The following BORCS5 variants were observed in gnomAD, a reference collection of about 807,000 sequenced individuals.
BORCS5 encodes the protein BLOC-1-related complex subunit 5.
BORCS5 carries 17 observed loss-of-function variants against 22.1 expected under a neutral mutation model. That is an observed-to-expected ratio of 0.77 (90% CI 0.53 to 1.15). The LOEUF is 1.15. BORCS5 is among the 50% of genes most tolerant of loss of function. The pLI, the probability that BORCS5 is intolerant of heterozygous loss-of-function variation, is 0.00. For synonymous variants in BORCS5, 117 were observed against 99.8 expected (o/e 1.17, Z -1.03); for missense variants, 247 against 253.2 (o/e 0.98, Z 0.17).
At chr12:12,406,633 A>AAAAC (rs547270027) in intron 2 of BORCS5, among the ~76,000 whole-genome samples, 1 of 105,412 alleles carries the variant, frequency 9.5e-6, no homozygotes, top group Non-Finnish European at 1.9e-5. Context: ...AAAAAACCAA[A>AAAAC]AAACAAACAA....
intron 3 of BORCS5, among the ~76,000 whole-genome samples, chr12:12,462,326 CATTT>C (rs1247083226): frequency 6.6e-6 from 1 of 152,204 alleles, no homozygotes; most frequent in African/African-American, 2.4e-5. Context: ...TATTTTCATT[CATTT>C]ATTCAACAAA....
At chr12:12,447,935 T>C (rs1265690764) in intron 3 of BORCS5, among the ~76,000 whole-genome samples, 1 of 152,220 alleles carries the variant, frequency 6.6e-6, no homozygotes, top group African/African-American at 2.4e-5. Flanking sequence ...CTGTGGAGGC[T>C]TCTCCAGCCC....
chr12:12,412,540 A>G (rs1226273042), intron 2 of BORCS5, among the ~76,000 whole-genome samples: 1 of 152,158 alleles, frequency 6.6e-6, no homozygotes, highest in Non-Finnish European at 1.5e-5. Flanking sequence ...CAGGTTTTCT[A>G]TATATGAGAT....
At chr12:12,443,400 T>A (rs1436333264) in intron 3 of BORCS5, among the ~76,000 whole-genome samples, 1 of 152,202 alleles carries the variant, frequency 6.6e-6, no homozygotes, top group Non-Finnish European at 1.5e-5. Context: ...TACAGTGTAA[T>A]TATAGTTTCC....
intron 2 of BORCS5, among the ~76,000 whole-genome samples, chr12:12,419,070 G>A (rs992884853): frequency 2.0e-5 from 3 of 151,906 alleles, no homozygotes; most frequent in Non-Finnish European, 4.4e-5. Context: ...TATACTTTAA[G>A]TTCTAGGGTA....
Position 12,361,444 on chromosome 12 carries a change from A to T in BORCS5, c.202+95A>T, listed in dbSNP as rs560058000. The T allele has an allele frequency of 2.5e-4, 355 of 1,399,522 alleles. 4 individuals are homozygous for T. Among genetic ancestry groups the T allele is most frequent in the South Asian group, 2.5e-3 (201 of 80,006 alleles). 86.7% of individuals were successfully genotyped at this position (1,399,522 alleles called of 1,614,324 possible). On this transcript the variant is annotated intron_variant, in intron 2 of 3. Coordinates refer to ENST00000314565, the MANE Select transcript of BORCS5 (RefSeq NM_058169.6). ...ACTTATCCATGTATCTTGCTCTCTCATCTCCTTTAGGTCTTTGCTTAAATG... is the reference window on the plus strand; with the variant it reads ...ACTTATCCATGTATCTTGCTCTCTCTTCTCCTTTAGGTCTTTGCTTAAATG...
intron 3 of BORCS5, among the ~76,000 whole-genome samples, chr12:12,461,280 C>T (rs536095164): frequency 6.6e-6 from 1 of 151,534 alleles, no homozygotes; most frequent in Admixed American, 6.6e-5. Context: ...GCAATTTTCT[C>T]ACCTCAGCCT....
At chr12:12,419,974 A>G (rs1178685801) in intron 2 of BORCS5, among the ~76,000 whole-genome samples, 1 of 151,708 alleles carries the variant, frequency 6.6e-6, no homozygotes, top group Non-Finnish European at 1.5e-5. Flanking sequence ...GATTGCAAAA[A>G]TTTTCTCCCA....
chr12:12,365,476 G>A (rs565417001), intron 2 of BORCS5, among the ~76,000 whole-genome samples: 7 of 151,566 alleles, frequency 4.6e-5, no homozygotes, highest in South Asian at 2.1e-4. Flanking sequence ...CACCATGCCC[G>A]GCCCGAGTTT....
chr12:12,411,017 GCT>G (rs1363404400), intron 2 of BORCS5, among the ~76,000 whole-genome samples: 3 of 151,952 alleles, frequency 2.0e-5, no homozygotes, highest in Non-Finnish European at 4.4e-5. Context: ...TCATGATTTA[GCT>G]CTGTTTGTCT....
chr12:12,419,100 T>A lies in BORCS5; in HGVS notation c.203-16528T>A, dbSNP rs143255426. 2.0e-5 allele frequency among the ~76,000 whole-genome samples: 3 copies of A among 152,284 alleles called. No individual in the cohort carries two copies. The East Asian group carries it at 5.8e-4, about 29-fold the overall frequency. On this transcript the variant is annotated intron_variant, in intron 2 of 3. Coordinates refer to ENST00000314565, the MANE Select transcript of BORCS5 (RefSeq NM_058169.6). ...AGGGTACATGTGCACAAAGTGTAGG[T>A]TTGATAAATAGGTATATATGTGCCA...
chr12:12,462,221 C>T (rs1943119345), intron 3 of BORCS5, among the ~76,000 whole-genome samples: 1 of 152,240 alleles, frequency 6.6e-6, no homozygotes, highest in South Asian at 2.1e-4. Context: ...TAATGTTCTC[C>T]TTGCAGAATC....
chr12:12,421,480 A>G (rs1942121034), intron 2 of BORCS5, among the ~76,000 whole-genome samples: 1 of 152,144 alleles, frequency 6.6e-6, no homozygotes, highest in African/African-American at 2.4e-5. Context: ...TTTCGCATCG[A>G]TGTTCATCAG....
chr12:12,361,314 T>A lies in BORCS5; in HGVS notation c.167T>A (p.Leu56Ter). Residue 56 changes from leucine to a stop codon, truncating the protein, a stop_gained, in exon 2 of 4, where the codon TTG becomes TAG. Transcript: ENST00000314565. LOFTEE classifies it high-confidence loss of function. ...NVSNDPDVIK[L>*]QEIPTFQPLL... ...AGCAACGATCCCGATGTCATCAAGT[T>A]GCAAGAGATTCCAACCTTCCAGCCC... The A allele has an allele frequency of 3.7e-6, 6 of 1,614,194 alleles. No individual in the cohort carries two copies. The highest frequency in any genetic ancestry group is 5.1e-6 in the Non-Finnish European group (6 of 1,180,030).
chr12:12,389,728 C>T (rs114193919), intron 2 of BORCS5, among the ~76,000 whole-genome samples: 4,951 of 152,204 alleles, frequency 0.033, 324 homozygotes, highest in African/African-American at 0.11. Context: ...ACTGCAAGCT[C>T]TGCCTTTCGG....
intron 3 of BORCS5, among the ~76,000 whole-genome samples, chr12:12,451,349 T>G (rs919005274): frequency 2.0e-5 from 3 of 152,142 alleles, no homozygotes; most frequent in African/African-American, 7.2e-5. Flanking sequence ...ACATATCTGG[T>G]TCTTTAACAA....
chr12:12,390,743 A>G (rs1941156081), intron 2 of BORCS5, among the ~76,000 whole-genome samples: 1 of 151,668 alleles, frequency 6.6e-6, no homozygotes, highest in South Asian at 2.1e-4. Context: ...CTATGACTGC[A>G]CCACTGCACA....
At chr12:12,411,111 A>G (rs886860274) in intron 2 of BORCS5, among the ~76,000 whole-genome samples, 1 of 152,154 alleles carries the variant, frequency 6.6e-6, no homozygotes, top group African/African-American at 2.4e-5. Context: ...TTATCAGCTT[A>G]AGGAGGTTTT....
intron 2 of BORCS5, among the ~76,000 whole-genome samples, chr12:12,417,197 G>A (rs918778695): frequency 3.3e-5 from 5 of 151,614 alleles, no homozygotes; most frequent in Admixed American, 2.6e-4. Context: ...TTTTTTCAGT[G>A]TCCTTTGTGT....
Sources: gnomAD v4.1 joint callset for allele counts (sites outside exome capture counted in the v4.1 genomes callset) on GRCh38, gnomAD v4.1.1 for gene constraint, MANE v1.5 for transcripts, NCBI Gene and HGNC (gene_info 2026-07-23, HGNC 2026-07-21) for gene names.